ZNF528: variants seen among roughly 807,000 people sequenced by gnomAD.
ZNF528 encodes zinc finger protein 528.
Under a neutral mutation model 13.3 loss-of-function variants are expected in ZNF528, and 9 were observed. The ratio of observed to expected loss-of-function variants is 0.67; its 90% CI spans 0.41 to 1.18. ZNF528 has a LOEUF of 1.18. ZNF528 is among the 50% of genes most tolerant of loss of function. ZNF528 has a pLI of 0.01. For synonymous variants in ZNF528, 264 were observed against 254.3 expected (o/e 1.04, Z -0.36); for missense variants, 858 against 745.4 (o/e 1.15, Z -1.76).
intron 6 of ZNF528, chr19:52,414,421 T>G: frequency 4.6e-6 from 3 of 651,522 alleles, no homozygotes; most frequent in East Asian, 2.8e-5. Context: ...ACAAGGGCCC[T>G]GAGCTTTAGA....
intron 2 of ZNF528, 26 bp from the exon 3 acceptor site, chr19:52,401,659 T>C: frequency 8.4e-7 from 1 of 1,197,550 alleles, no homozygotes; most frequent in Non-Finnish European, 1.1e-6. Flanking sequence ...ACATGAAGAA[T>C]TGCTTTTTTT....
At chr19:52,408,906 G>T (rs963220994) in intron 6 of ZNF528, among the ~76,000 whole-genome samples, 2 of 152,090 alleles carry the variant, frequency 1.3e-5, no homozygotes, top group African/African-American at 4.8e-5. Flanking sequence ...TAAAGATACC[G>T]TCCAGAGTGC....
At chr19:52,400,129 T>C (rs764900310) in intron 2 of ZNF528, among the ~76,000 whole-genome samples, 5 of 151,920 alleles carry the variant, frequency 3.3e-5, no homozygotes, top group Non-Finnish European at 5.9e-5. Flanking sequence ...ATTCACTCTC[T>C]CCTGATGCCA....
In ZNF528 at chr19:52,402,280, T is replaced by TG. The variant is rs1389920196; in HGVS notation, c.15+253dup. On this transcript the variant is annotated intron_variant, in intron 4 of 6. Coordinates refer to ENST00000360465, the MANE Select transcript of ZNF528 (RefSeq NM_032423.3). ...TCAGCAGACATGGATGGAGACGGGGTGTGGGTCCCGTGGTGGCAGTGCTGC... is the reference window on the plus strand; with the variant it reads ...TCAGCAGACATGGATGGAGACGGGGTGGTGGGTCCCGTGGTGGCAGTGCTGC... 3.1e-5 allele frequency: 19 copies of TG among 610,656 alleles called. 1 individual carries two copies. In the East Asian group the frequency reaches 5.3e-4, roughly 17 times the overall value. 37.8% of individuals were successfully genotyped at this position (610,656 alleles called of 1,614,324 possible).
chr19:52,401,826 T>A, intron 3 of ZNF528, 73 bp downstream of exon 3: 1 of 1,523,942 alleles, frequency 6.6e-7, no homozygotes, highest in South Asian at 1.2e-5. Context: ...AAATCAGACC[T>A]ATGTAGAAAG....
intron 2 of ZNF528, among the ~76,000 whole-genome samples, chr19:52,399,901 C>G (rs923737579): frequency 6.6e-6 from 1 of 152,164 alleles, no homozygotes; most frequent in Non-Finnish European, 1.5e-5. Flanking sequence ...GGAACAACCA[C>G]AGACACATTT....
rs115728501 is a variant in ZNF528, at chr19:52,398,506, C to T, written c.-250C>T. 1.4e-3 allele frequency: 1,243 copies of T among 908,506 alleles called. 11 individuals are homozygous for T. The African/African-American group carries it at 0.021, about 15-fold the overall frequency. The allele number at this position is 908,506 out of a possible 1,614,324, so 56.3% of individuals were successfully genotyped here. ...CCGGAAGTGGGCATCTTATTCCAAT[C>T]CCCTCCCTGTGAATGTGTGGAGAAA... On this transcript the variant is annotated 5_prime_UTR_variant, in exon 2 of 7. Coordinates refer to ENST00000360465, the MANE Select transcript of ZNF528 (RefSeq NM_032423.3).
chr19:52,406,517 A>G lies in ZNF528; in HGVS notation c.145A>G (p.Ile49Val). 6.2e-7 allele frequency: 1 copy of G among 1,612,892 alleles called. No individual in the cohort carries two copies. The highest frequency in any genetic ancestry group is 1.1e-5 in the South Asian group (1 of 90,736). Residue 49 changes from isoleucine (I) to valine (V), a missense_variant and splice_region_variant, in exon 6 of 7, where the codon ATC becomes GTC. Ile to Val is a conservative substitution (Grantham distance 29). Transcript: ENST00000360465. ...TTTATTCTTTCTTTTATAAATAGGA[A>G]TCTGTCTTCCTGACCTGAGTGTTAC... ...ENYRNLVSLG[I>V]CLPDLSVTSM...
chr19:52,412,479 C>T (rs553858326), intron 6 of ZNF528: 1 of 152,318 alleles, frequency 6.6e-6, no homozygotes, highest in South Asian at 2.1e-4. Context: ...CCTGCACTTC[C>T]TGGTGTTCCT....
chr19:52,401,662 C>CTTTTTTTTT (rs34244828), intron 2 of ZNF528, 23 bp from the exon 3 acceptor site: 8 of 906,926 alleles, frequency 8.8e-6, no homozygotes, highest in Admixed American at 3.9e-5. Context: ...TGAAGAATTG[C>CTTTTTTTTT]TTTTTTTTTT....
Position 52,416,823 on chromosome 19 carries a change from C to A in ZNF528, c.*84C>A. The A allele has an allele frequency of 7.3e-7, 1 of 1,363,874 alleles. No homozygotes were observed. The highest frequency in any genetic ancestry group is 9.9e-7 in the Non-Finnish European group (1 of 1,011,034). 84.5% of individuals were successfully genotyped at this position (1,363,874 alleles called of 1,614,324 possible). On this transcript the variant is annotated 3_prime_UTR_variant, in exon 7 of 7. Coordinates refer to ENST00000360465, the MANE Select transcript of ZNF528 (RefSeq NM_032423.3). ...CAGTGAGTCCATACTAAGTGGAAATCATATAAATGAAATGTATGTGACACA... is the reference window on the plus strand; with the variant it reads ...CAGTGAGTCCATACTAAGTGGAAATAATATAAATGAAATGTATGTGACACA...
intron 4 of ZNF528, among the ~76,000 whole-genome samples, chr19:52,405,217 CAA>C (rs1156326821): frequency 4.9e-5 from 5 of 101,106 alleles, no homozygotes; most frequent in Admixed American, 1.0e-4. Flanking sequence ...AACACCATCT[CAA>C]AAAAAAAAAA....
intron 2 of ZNF528, among the ~76,000 whole-genome samples, chr19:52,399,649 T>C (rs1218992368): frequency 6.6e-6 from 1 of 152,070 alleles, no homozygotes; most frequent in African/African-American, 2.4e-5. Flanking sequence ...AGATGAGAAT[T>C]GGAACACTAT....
chr19:52,410,519 C>T (rs899312948), intron 6 of ZNF528, among the ~76,000 whole-genome samples: 1 of 152,208 alleles, frequency 6.6e-6, no homozygotes, highest in African/African-American at 2.4e-5. Context: ...TGCCCACATC[C>T]TGCATTCATG....
At chr19:52,408,436 GATTAC>G (rs1206718825) in intron 6 of ZNF528, 2 of 152,182 alleles carry the variant, frequency 1.3e-5, no homozygotes, top group Non-Finnish European at 2.9e-5. Flanking sequence ...AAAGTGCTGG[GATTAC>G]AGGTGTGCCA....
Position 52,416,633 on chromosome 19 carries a change from A to G in ZNF528, c.1781A>G (p.Asn594Ser), listed in dbSNP as rs766463501. Residue 594 changes from asparagine to serine, a missense_variant, in exon 7 of 7, where the codon AAT becomes AGT. Physicochemically the swap from Asn to Ser is conservative, Grantham distance 46 (BLOSUM62 1). Transcript: ENST00000360465. ...KIFTQKSSLTNHHRIHIGEKP... is the reference protein window; with the variant it reads ...KIFTQKSSLTSHHRIHIGEKP... ...TTCACTCAGAAGTCTTCCCTCACCA[A>G]TCACCATAGAATTCACATTGGAGAG... The G allele has an allele frequency of 1.9e-6, 3 of 1,614,190 alleles. No homozygotes were observed. Among genetic ancestry groups the G allele is most frequent in the Non-Finnish European group, 1.7e-6 (2 of 1,180,026 alleles).
At chr19:52,405,063 A>G (rs1167471302) in intron 4 of ZNF528, among the ~76,000 whole-genome samples, 2 of 151,786 alleles carry the variant, frequency 1.3e-5, no homozygotes, top group East Asian at 4.0e-4. Context: ...TAAAAATACA[A>G]AAAATTAGCT....
chr19:52,399,949 G>A (rs2058771702), intron 2 of ZNF528, among the ~76,000 whole-genome samples: 1 of 152,172 alleles, frequency 6.6e-6, no homozygotes, highest in East Asian at 1.9e-4. Context: ...TTGGGTGTGA[G>A]AGTAGTAAAA....
Position 52,416,843 on chromosome 19 carries a change from GAC to G in ZNF528, c.*108_*109del, listed in dbSNP as rs2059011594. 25 of 1,245,150 alleles carry G rather than the reference GAC, an allele frequency of 2.0e-5. No individual in the cohort carries two copies. In the South Asian group the frequency reaches 3.9e-4, roughly 19 times the overall value. 77.1% of individuals were successfully genotyped at this position (1,245,150 alleles called of 1,614,324 possible). On this transcript the variant is annotated 3_prime_UTR_variant, in exon 7 of 7. Coordinates refer to ENST00000360465, the MANE Select transcript of ZNF528 (RefSeq NM_032423.3). Reference sequence around the variant, plus strand: ...GAAATCATATAAATGAAATGTATGTGACACAGGCTTTATCAAGGCCTGCCAAA... The same window carrying G: ...GAAATCATATAAATGAAATGTATGTGACAGGCTTTATCAAGGCCTGCCAAA...
Sources: gnomAD v4.1 joint callset for allele counts (sites outside exome capture counted in the v4.1 genomes callset) on GRCh38, gnomAD v4.1.1 for gene constraint, MANE v1.5 for transcripts, NCBI Gene and HGNC (gene_info 2026-07-23, HGNC 2026-07-21) for gene names.